CDH9: variants seen among roughly 807,000 people sequenced by gnomAD.
CDH9 encodes cadherin 9.
A neutral mutation model predicts 70.9 loss-of-function variants in CDH9; 28 were observed. That is an observed-to-expected ratio of 0.40 (90% CI 0.29 to 0.54). The LOEUF (loss-of-function observed/expected upper bound fraction) is 0.54, where lower values mean the gene tolerates loss of function less well. Among genes scored for constraint, CDH9 ranks in the 20% least tolerant of loss-of-function variants. CDH9 has a pLI of 0.59. For missense variants in CDH9, 874 were observed against 984.4 expected (o/e 0.89, Z 1.50); for synonymous variants, 409 against 343.1 (o/e 1.19, Z -2.12).
chr5:26,882,812 T>A (rs1209321085), intron 11 of CDH9, among the ~76,000 whole-genome samples: 2 of 151,438 alleles, frequency 1.3e-5, no homozygotes, highest in Non-Finnish European at 1.5e-5. Context: ...AATTTTTACA[T>A]TGAGATTAAA....
chr5:26,969,224 T>C (rs1579484342), intron 2 of CDH9, among the ~76,000 whole-genome samples: 1 of 152,186 alleles, frequency 6.6e-6, no homozygotes, highest in Non-Finnish European at 1.5e-5. Context: ...TTTTCACATA[T>C]ATCTAAGAAT....
At chr5:26,891,112 A>G (rs564825183) in intron 7 of CDH9, among the ~76,000 whole-genome samples, 100 of 152,322 alleles carry the variant, frequency 6.6e-4, no homozygotes, top group Non-Finnish European at 1.0e-3. Flanking sequence ...ATGAAATGTT[A>G]TATCACCACA....
rs56883597 is a variant in CDH9 at position 26,923,069 on chromosome 5, TAAA to T, written c.229-7148_229-7146del. Among the ~76,000 whole-genome samples, 4 of 95,064 alleles carry T rather than the reference TAAA, an allele frequency of 4.2e-5. No homozygotes were observed. The East Asian group carries it at 8.1e-4, about 19-fold the overall frequency. 62.4% of individuals were successfully genotyped at this position (95,064 alleles called of 152,430 possible). The stretch of plus-strand genomic sequence containing the variant: ...TAAGACATAGTGTAGTTACATGAAT[TAAA>T]AAAAAAAAAAAAAACACAAAAAAAA... On this transcript the variant is annotated intron_variant, in intron 2 of 11. Transcript: ENST00000231021.
chr5:26,998,962 T>C (rs1377355628), intron 1 of CDH9, among the ~76,000 whole-genome samples: 1 of 151,954 alleles, frequency 6.6e-6, no homozygotes, highest in Non-Finnish European at 1.5e-5. Flanking sequence ...AAAACGCACA[T>C]GAGGCCGGGC....
intron 1 of CDH9, among the ~76,000 whole-genome samples, chr5:27,006,781 T>C (rs1482849218): frequency 1.3e-5 from 2 of 152,108 alleles, no homozygotes; most frequent in Non-Finnish European, 2.9e-5. Context: ...AAGTATCATA[T>C]CATGAAGTCA....
At chr5:26,931,024 T>G (rs979775422) in intron 2 of CDH9, among the ~76,000 whole-genome samples, 40 of 152,308 alleles carry the variant, frequency 2.6e-4, no homozygotes, top group Middle Eastern at 3.4e-3. Context: ...GTATTTCCAC[T>G]ATAAAGATTT....
At chr5:26,978,455 C>T (rs1742340819) in intron 2 of CDH9, among the ~76,000 whole-genome samples, 1 of 151,422 alleles carries the variant, frequency 6.6e-6, no homozygotes, top group Non-Finnish European at 1.5e-5. Flanking sequence ...ATAAATTTTC[C>T]AAATTTAAGC....
intron 2 of CDH9, among the ~76,000 whole-genome samples, chr5:26,956,468 T>C (rs1198624176): frequency 1.3e-5 from 2 of 152,212 alleles, no homozygotes; most frequent in Non-Finnish European, 2.9e-5. Context: ...AAAGTACTTA[T>C]CATTCTTTAA....
intron 2 of CDH9, among the ~76,000 whole-genome samples, chr5:26,930,117 T>A (rs1741416190): frequency 6.6e-6 from 1 of 152,036 alleles, no homozygotes; most frequent in Admixed American, 6.6e-5. Context: ...CATAAATATA[T>A]CCACACATTA....
intron 2 of CDH9, among the ~76,000 whole-genome samples, chr5:26,920,467 C>G (rs1334456447): frequency 6.6e-6 from 1 of 151,938 alleles, no homozygotes; most frequent in Non-Finnish European, 1.5e-5. Context: ...AGAATATAAG[C>G]CTGGCTAGAT....
intron 7 of CDH9, among the ~76,000 whole-genome samples, chr5:26,901,048 A>C (rs1740846495): frequency 6.6e-6 from 1 of 152,132 alleles, no homozygotes; most frequent in African/African-American, 2.4e-5. Context: ...TGAACACGCT[A>C]GTGCATATAC....
chr5:26,881,135 C>G lies in CDH9; in HGVS notation c.*1G>C. On this transcript the variant is annotated 3_prime_UTR_variant, in exon 12 of 12. Coordinates refer to ENST00000231021, the MANE Select transcript of CDH9 (RefSeq NM_016279.4). ...AATATTGATTAAGTCAAACAATCCT[C>G]TTAGTCTCGGTCACTATCATCACCC... 1 of 1,597,716 alleles carries G rather than the reference C, an allele frequency of 6.3e-7. No individual in the cohort carries two copies. Among genetic ancestry groups the G allele is most frequent in the East Asian group, 2.2e-5 (1 of 44,728 alleles).
chr5:26,913,476 A>G (rs971628736), intron 3 of CDH9, among the ~76,000 whole-genome samples: 2 of 152,222 alleles, frequency 1.3e-5, no homozygotes, highest in South Asian at 4.1e-4. Flanking sequence ...AGAGCCATAC[A>G]TCTGCCTGCT....
In CDH9 at chr5:26,881,426, G is replaced by A. The variant is rs1740461530; in HGVS notation, c.2080C>T (p.Pro694Ser). The change falls in exon 12 of 12, where the codon CCT (proline) becomes TCT (serine). Residue 694 changes from proline to serine, a missense_variant. Coordinates refer to ENST00000231021, the MANE Select transcript of CDH9 (RefSeq NM_016279.4). ...EDSKLRRDVM[P>S]ETIFQIRRTV... The stretch of plus-strand genomic sequence containing the variant: ...CTCCTTATCTGAAAAATAGTTTCAG[G>A]CATTACATCCCGTCTAAGTTTACTG... 6.2e-7 allele frequency: 1 copy of A among 1,612,602 alleles called. No individual in the cohort carries two copies. Among genetic ancestry groups the A allele is most frequent in the South Asian group, 1.1e-5 (1 of 91,048 alleles).
chr5:26,946,136 A>G (rs1020639730), intron 2 of CDH9, among the ~76,000 whole-genome samples: 9 of 152,292 alleles, frequency 5.9e-5, no homozygotes, highest in African/African-American at 2.2e-4. Context: ...GAGATGTTTG[A>G]TAACTTGAAA....
chr5:26,924,158 TA>T (rs1455453816), intron 2 of CDH9, among the ~76,000 whole-genome samples: 2 of 151,762 alleles, frequency 1.3e-5, no homozygotes, highest in African/African-American at 4.8e-5. Context: ...TTATCCAGCC[TA>T]AATAAAAAAG....
intron 2 of CDH9, among the ~76,000 whole-genome samples, chr5:26,934,721 G>C (rs1025412773): frequency 6.6e-6 from 1 of 152,090 alleles, no homozygotes; most frequent in Non-Finnish European, 1.5e-5. Context: ...AAGAGAACTA[G>C]TCTATATAGG....
At chr5:26,901,707 T>C (rs1460218997) in intron 7 of CDH9, among the ~76,000 whole-genome samples, 1 of 151,808 alleles carries the variant, frequency 6.6e-6, no homozygotes, top group African/African-American at 2.4e-5. Context: ...TCATTATTCA[T>C]CCCATGCATT....
intron 2 of CDH9, among the ~76,000 whole-genome samples, chr5:26,977,485 G>GTATATA (rs775423954): frequency 3.9e-4 from 27 of 68,852 alleles, no homozygotes; most frequent in East Asian, 2.8e-3. Flanking sequence ...GTGTGTGTGT[G>GTATATA]TATATATATA....
Sources: gnomAD v4.1 joint callset for allele counts (sites outside exome capture counted in the v4.1 genomes callset) on GRCh38, gnomAD v4.1.1 for gene constraint, MANE v1.5 for transcripts, NCBI Gene and HGNC (gene_info 2026-07-23, HGNC 2026-07-21) for gene names.